HR: variants seen among roughly 807,000 people sequenced by gnomAD.
HR encodes the protein lysine-specific demethylase hairless.
HR carries 83 observed loss-of-function variants against 128.6 expected under a neutral mutation model. That is an observed-to-expected ratio of 0.65 (90% CI 0.54 to 0.77). The LOEUF is 0.77. Ranked by LOEUF, HR falls within the 30% of genes least tolerant of loss-of-function variation. The probability of loss-of-function intolerance (pLI) is 0.00; values close to 1 mark genes in which losing one functional copy is unlikely to be tolerated. For synonymous variants in HR, 681 were observed against 658.2 expected, an observed-to-expected ratio of 1.03 and a Z score of -0.53; for missense variants, 1,490 against 1,574.6, an observed-to-expected ratio of 0.95 and a Z score of 0.91.
In HR at chr8:22,125,424, G is replaced by C; in HGVS notation, c.1637C>G (p.Pro546Arg). Residue 546 changes from proline (P) to arginine (R), a missense_variant, in exon 5 of 19, where the codon CCT (proline) becomes CGT (arginine). By Grantham distance (103) the Pro-to-Arg change is moderately radical. Around this residue, in one of 3 missense-constraint regions of HR, gnomAD observed 1,060 missense variants for 1,060.9 expected, o/e 1.00. Coordinates refer to ENST00000381418, the MANE Select transcript of HR (RefSeq NM_005144.5). Reference sequence around the variant, plus strand: ...GAGGCCTGTGCTGAGCCGGCTGTCAGGGCCGGACCCTGGGCCTTCCTCAGA... The same window carrying C: ...GAGGCCTGTGCTGAGCCGGCTGTCACGGCCGGACCCTGGGCCTTCCTCAGA... ...SSSEEGPGSG[P>R]DSRLSTGLAK... is the part of the protein sequence containing the mutation. 1 of 1,613,070 alleles carries C rather than the reference G, an allele frequency of 6.2e-7. No individual in the cohort carries two copies. The highest frequency in any genetic ancestry group is 8.5e-7 in the Non-Finnish European group (1 of 1,179,962).
intron 16 of HR, 130 bp from the exon 17 acceptor site, chr8:22,117,169 A>C: frequency 1.0e-6 from 1 of 968,418 alleles, no homozygotes; most frequent in Non-Finnish European, 1.5e-6. Flanking sequence ...AAGGGCAGGC[A>C]GGGAGGGCAT....
Position 22,119,952 on chromosome 8 carries a change from C to T in HR, c.2847-62G>A, listed in dbSNP as rs1826693006. The T allele has an allele frequency of 4.3e-6, 7 of 1,609,734 alleles. No individual in the cohort carries two copies. The Admixed American group carries it at 8.3e-5, about 19-fold the overall frequency. On this transcript the variant is annotated intron_variant, in intron 13 of 18. Coordinates refer to ENST00000381418, the MANE Select transcript of HR (RefSeq NM_005144.5). ...CTGGGCACCAGAGACCCCATCAAAG[C>T]CCCACCACCACCGGGGTAACTCCCA... is the stretch of plus-strand genomic sequence containing the variant.
At position 22,121,060 on chromosome 8, in the gene HR, C is replaced by T. The variant is rs1442532692; in HGVS notation, c.2367+5G>A. ...TCCTAGCCCTCCCTCCGTGCCCTCA[C>T]TCACACTGGGCAGGGCCGGAGTGAC... On this transcript the variant is annotated splice_donor_5th_base_variant and intron_variant, in intron 10 of 18. Transcript: ENST00000381418. 1.2e-6 allele frequency: 2 copies of T among 1,613,544 alleles called. No homozygotes were observed. Among genetic ancestry groups the T allele is most frequent in the South Asian group, 1.1e-5 (1 of 91,088 alleles).
chr8:22,129,191 G>A lies in HR; in HGVS notation c.-21C>T, dbSNP rs1227717652. 6.6e-7 allele frequency: 1 copy of A among 1,519,280 alleles called. No individual in the cohort carries two copies. The highest frequency in any genetic ancestry group is 1.4e-5 in the African/African-American group (1 of 71,688). 94.1% of individuals were successfully genotyped at this position (1,519,280 alleles called of 1,614,324 possible). A position where few individuals can be genotyped will look rare whatever the true frequency, so the allele number is the denominator to read the frequency against. On this transcript the variant is annotated 5_prime_UTR_variant, in exon 2 of 19. Transcript: ENST00000381418. Reference sequence around the variant, plus strand: ...TCCATCACTCTCCTGCCCTCATGGGGCTCTCCCAGAGGGGGGTCCCTGGAG... The same window carrying A: ...TCCATCACTCTCCTGCCCTCATGGGACTCTCCCAGAGGGGGGTCCCTGGAG...
chr8:22,118,613 G>A, intron 16 of HR: 1 of 377,824 alleles, frequency 2.6e-6, no homozygotes, highest in Admixed American at 3.9e-5. Context: ...AATGGGAAAG[G>A]AGCAGTGCCT....
intron 7 of HR, 84 bp downstream of exon 7, chr8:22,122,705 CA>C: frequency 6.7e-7 from 1 of 1,484,242 alleles, no homozygotes; most frequent in Non-Finnish European, 9.2e-7. Flanking sequence ...AAGGGCATGG[CA>C]CTGGGGGGAG....
chr8:22,129,662 T>G (rs1826999066), intron 1 of HR, among the ~76,000 whole-genome samples: 1 of 152,248 alleles, frequency 6.6e-6, no homozygotes, highest in Admixed American at 6.5e-5. Flanking sequence ...CAGAGGATTC[T>G]TCCCATCCTG....
chr8:22,127,244 C>T lies in HR; in HGVS notation c.1198G>A (p.Val400Ile), dbSNP rs1826918623. 2 of 1,613,156 alleles carry T rather than the reference C, an allele frequency of 1.2e-6. No individual in the cohort carries two copies. The highest frequency in any genetic ancestry group is 1.7e-6 in the Non-Finnish European group (2 of 1,180,028). The change falls in exon 3 of 19, where the codon GTC becomes ATC. Residue 400 changes from valine to isoleucine, a missense_variant. Around this residue, in one of 3 missense-constraint regions of HR, gnomAD observed 1,060 missense variants for 1,060.9 expected, o/e 1.00. Transcript: ENST00000381418. ...QFECPRGCPEVEERPVARLRA... is the reference protein window; with the variant it reads ...QFECPRGCPEIEERPVARLRA... The stretch of plus-strand genomic sequence containing the variant: ...AGCCGAGCAACCGGCCTCTCCTCGA[C>T]CTCAGGGCAGCCGCGTGGACATTCA...
At position 22,125,748 on chromosome 8, in the gene HR, A is replaced by G; in HGVS notation, c.1406-16T>C. The G allele has an allele frequency of 6.2e-7, 1 of 1,613,204 alleles. No homozygotes were observed. On this transcript the variant is annotated splice_polypyrimidine_tract_variant and intron_variant, in intron 3 of 18. Transcript: ENST00000381418. ...TCTTGGGGTCCTGAGGGGACAATGC[A>G]GAGGTCAGGAATCTGGGTTTCTTGG...
At chr8:22,126,525 C>T (rs1365628811) in intron 3 of HR, among the ~76,000 whole-genome samples, 3 of 152,234 alleles carry the variant, frequency 2.0e-5, no homozygotes, top group Admixed American at 2.0e-4. Context: ...CAAGCAATCC[C>T]CAAACAGGGA....
intron 1 of HR, 94 bp from the exon 2 acceptor site, chr8:22,129,304 A>T: frequency 9.0e-7 from 1 of 1,110,234 alleles, no homozygotes; most frequent in Non-Finnish European, 1.2e-6. Context: ...GGCAACACTG[A>T]GGCAGCTCAA....
Position 22,121,244 on chromosome 8 carries a change from A to G in HR, c.2204-16T>C. On this transcript the variant is annotated splice_polypyrimidine_tract_variant and intron_variant, in intron 9 of 18. Transcript: ENST00000381418. ...TCGGGGGTCTCTGTCAGGGAGGAAG[A>G]TGGTGGGGGGCTTCGCGTTTGGTCC... 1.2e-6 allele frequency: 2 copies of G among 1,612,658 alleles called. No individual in the cohort carries two copies. The highest frequency in any genetic ancestry group is 1.3e-5 in the African/African-American group (1 of 74,986).
Position 22,125,368 on chromosome 8 carries a change from G to C in HR, c.1693C>G (p.Arg565Gly), listed in dbSNP as rs1207891536. Reference sequence around the variant, plus strand: ...TCCCTCCGCAGCAGGCGGCACAGTCGGTCCCCCAAACCACTGAGCAGGTGC... The same window carrying C: ...TCCCTCCGCAGCAGGCGGCACAGTCCGTCCCCCAAACCACTGAGCAGGTGC... Reference protein sequence around the residue: ...AKHLLSGLGDRLCRLLRRERE... With the variant: ...AKHLLSGLGDGLCRLLRRERE... Residue 565 changes from arginine to glycine, a missense_variant, in exon 5 of 19, where the codon CGA (arginine) becomes GGA (glycine). Arg to Gly is a moderately radical substitution (Grantham distance 125). This residue lies in a region of HR where 1,060 missense variants were observed against 1,060.9 expected (regional missense o/e 1.00). Transcript: ENST00000381418. 6.2e-7 allele frequency: 1 copy of C among 1,607,452 alleles called. No homozygotes were observed. The highest frequency in any genetic ancestry group is 1.1e-5 in the South Asian group (1 of 89,652).
chr8:22,126,278 G>A (rs942654312), intron 3 of HR, among the ~76,000 whole-genome samples: 3 of 152,218 alleles, frequency 2.0e-5, no homozygotes, highest in Non-Finnish European at 4.4e-5. Flanking sequence ...ATTTGGGCAA[G>A]GCCACGGAGA....
chr8:22,116,863 G>T lies in HR; in HGVS notation c.3378+12C>A, dbSNP rs746665720. ...TGATCTCCCCGCAGAGCCCCTGCCC[G>T]CTGGGAAGCACCTGGTGGGGAGCCC... On this transcript the variant is annotated intron_variant, in intron 17 of 18. Coordinates refer to ENST00000381418, the MANE Select transcript of HR (RefSeq NM_005144.5). The surrounding 1 kb of genome is among the most constrained non-coding windows in gnomAD (Gnocchi z 4.2). 2.1e-4 allele frequency: 323 copies of T among 1,566,768 alleles called. 1 individual carries two copies. The highest frequency in any genetic ancestry group is 4.6e-4 in the Admixed American group (25 of 54,412).
At position 22,130,449 on chromosome 8, in the gene HR, C is replaced by A. The variant is rs1366908990; in HGVS notation, c.-62G>T. The A allele has an allele frequency of 6.6e-6, 1 of 152,220 alleles. No homozygotes were observed. Among genetic ancestry groups the A allele is most frequent in the Non-Finnish European group, 1.5e-5 (1 of 68,040 alleles). The allele number at this position is 152,220 out of a possible 1,614,324, so 9.4% of individuals were successfully genotyped here. The stretch of plus-strand genomic sequence containing the variant: ...TTACCTGGGCTTCACCGGCCGGTCG[C>A]GGCGCGGGCGGTGGCGGTCGTCGTG... On this transcript the variant is annotated 5_prime_UTR_variant, in exon 1 of 19. Transcript: ENST00000381418.
rs747701499 is a variant in HR at position 22,122,616 on chromosome 8, TG to T, written c.2006-9del. On this transcript the variant is annotated splice_polypyrimidine_tract_variant and intron_variant, in intron 7 of 18. Transcript: ENST00000381418. ...TGCTCAGCTCTGCCAAAGCTGGGGGTGGGGGTGGGCAGGAGAGGGAGGTTGG... is the reference window on the plus strand; with the variant it reads ...TGCTCAGCTCTGCCAAAGCTGGGGGTGGGGTGGGCAGGAGAGGGAGGTTGG... 2.8e-6 allele frequency: 4 copies of T among 1,405,054 alleles called. No individual in the cohort carries two copies. The highest frequency in any genetic ancestry group is 1.5e-5 in the African/African-American group (1 of 68,816). 87.0% of individuals were successfully genotyped at this position (1,405,054 alleles called of 1,614,324 possible).
At chr8:22,125,250 G>A (rs1440131705) in intron 5 of HR, 61 bp downstream of exon 5, 7 of 1,518,646 alleles carry the variant, frequency 4.6e-6, no homozygotes, top group Non-Finnish European at 6.2e-6. Context: ...TGGGGTCAGG[G>A]GAGGGACACC....
At position 22,127,468 on chromosome 8, in the gene HR, C is replaced by T. The variant is rs200125747; in HGVS notation, c.974G>A (p.Gly325Asp). ...PSPEPPVTQR[G>D]CCSSYPPTKG... ...AGTGGGTGGGTAGGATGAACAGCAG[C>T]CCCGCTGGGTGACAGGCGGCTCAGG... The change falls in exon 3 of 19, where the codon GGC becomes GAC. Residue 325 changes from glycine (G) to aspartate (D), a missense_variant. Transcript: ENST00000381418. 383 of 1,611,050 alleles carry T rather than the reference C, an allele frequency of 2.4e-4. 2 individuals are homozygous for T. Among genetic ancestry groups the T allele is most frequent in the South Asian group, 8.4e-4 (76 of 91,010 alleles).
Sources: gnomAD v4.1 joint callset for allele counts (sites outside exome capture counted in the v4.1 genomes callset) on GRCh38, gnomAD v4.1.1 for gene constraint, gnomAD v4.1.1 regional missense constraint, Gnocchi (gnomAD v3.1) non-coding constraint, MANE v1.5 for transcripts, NCBI Gene and HGNC (gene_info 2026-07-23, HGNC 2026-07-21) for gene names.